The following ABHD17C variants were observed in gnomAD, a reference collection of about 807,000 sequenced individuals.
ABHD17C encodes the protein alpha/beta hydrolase domain-containing protein 17C.
ABHD17C carries 11 observed loss-of-function variants against 27.9 expected under a neutral mutation model. That is an observed-to-expected ratio of 0.39 (90% CI 0.25 to 0.65). ABHD17C has a LOEUF of 0.65. Ranked by LOEUF, ABHD17C falls within the 30% of genes least tolerant of loss-of-function variation. ABHD17C has a pLI of 0.45. For synonymous variants in ABHD17C, 233 were observed against 209.1 expected (o/e 1.11, Z -0.98); for missense variants, 280 against 470.2 (o/e 0.60, Z 3.74).
At position 80,731,989 on chromosome 15, in the gene ABHD17C, C is replaced by G. The variant is rs1895063369; in HGVS notation, c.591-17524C>G. Among the ~76,000 whole-genome samples the G allele has an allele frequency of 2.0e-5, 3 of 152,216 alleles. No homozygotes were observed. In the South Asian group the frequency reaches 6.2e-4, roughly 31 times the overall value. On this transcript the variant is annotated intron_variant, in intron 1 of 2. Transcript: ENST00000258884. ...ATCTCTAGAACTTCATCTTCTCAAACTGAGATTCTGCACTCATTGTATGGA... is the reference window on the plus strand; with the variant it reads ...ATCTCTAGAACTTCATCTTCTCAAAGTGAGATTCTGCACTCATTGTATGGA...
rs1555422285 is a variant in ABHD17C at position 80,713,085 on chromosome 15, CT to C, written c.590+17079del. Among the ~76,000 whole-genome samples the C allele has an allele frequency of 3.6e-3, 522 of 143,532 alleles. 1 individual carries two copies. The highest frequency in any genetic ancestry group is 3.9e-3 in the Admixed American group (56 of 14,288). 94.2% of individuals were successfully genotyped at this position (143,532 alleles called of 152,430 possible). On this transcript the variant is annotated intron_variant, in intron 1 of 2. Transcript: ENST00000258884. ...AGCCTCTTATTACTACTTTGTAAGT[CT>C]TTTTTTTTTTTTAAGGAAAAATGTA...
chr15:80,719,591 A>T (rs1894861703), intron 1 of ABHD17C, among the ~76,000 whole-genome samples: 1 of 152,290 alleles, frequency 6.6e-6, no homozygotes, highest in Non-Finnish European at 1.5e-5. Flanking sequence ...TACTATGGGG[A>T]TATGTGTTAT....
Position 80,713,900 on chromosome 15 carries a change from CCACA to C in ABHD17C, c.590+17918_590+17921del, listed in dbSNP as rs58311304. On this transcript the variant is annotated intron_variant, in intron 1 of 2. Transcript: ENST00000258884. ...GGGTCTCATTGTCTCCATATACAGA[CCACA>C]CACACACACACACACACACACACAC... Among the ~76,000 whole-genome samples the C allele has an allele frequency of 8.2e-3, 1,156 of 141,136 alleles. 24 individuals carry two copies. Among genetic ancestry groups the C allele is most frequent in the East Asian group, 0.081 (392 of 4,860 alleles). The allele number at this position is 141,136 out of a possible 152,430, so 92.6% of individuals were successfully genotyped here.
chr15:80,724,637 G>A (rs555057139), intron 1 of ABHD17C, among the ~76,000 whole-genome samples: 2 of 152,326 alleles, frequency 1.3e-5, no homozygotes, highest in South Asian at 4.1e-4. Context: ...GCCTCCTGTA[G>A]TCAGCTGCTG....
chr15:80,730,998 T>C (rs552042995), intron 1 of ABHD17C, among the ~76,000 whole-genome samples: 267 of 152,334 alleles, frequency 1.8e-3, no homozygotes, highest in African/African-American at 6.2e-3. Flanking sequence ...AATTAAAATA[T>C]AATGTTGAAG....
intron 1 of ABHD17C, among the ~76,000 whole-genome samples, chr15:80,727,426 G>A (rs1164257949): frequency 6.6e-6 from 1 of 152,198 alleles, no homozygotes; most frequent in East Asian, 1.9e-4. Context: ...GCCCTCGCTA[G>A]CCTTGCTATC....
At chr15:80,751,914 C>T (rs886707530) in intron 2 of ABHD17C, among the ~76,000 whole-genome samples, 2 of 152,112 alleles carry the variant, frequency 1.3e-5, no homozygotes, top group African/African-American at 4.8e-5. Context: ...TTAATATGTC[C>T]GTTGTTGCCA....
Position 80,725,005 on chromosome 15 carries a change from A to G in ABHD17C, c.591-24508A>G, listed in dbSNP as rs1420021351. 3.9e-5 allele frequency among the ~76,000 whole-genome samples: 6 copies of G among 152,310 alleles called. No homozygotes were observed. The East Asian group carries it at 1.2e-3, about 29-fold the overall frequency. Reference sequence around the variant, plus strand: ...TCTTCATTATATAACCACTGTTGTTATGTTTTTATACCCTAGTGTCTTACA... The same window carrying G: ...TCTTCATTATATAACCACTGTTGTTGTGTTTTTATACCCTAGTGTCTTACA... On this transcript the variant is annotated intron_variant, in intron 1 of 2. Coordinates refer to ENST00000258884, the MANE Select transcript of ABHD17C (RefSeq NM_021214.2).
At chr15:80,728,236 G>A (rs1314795302) in intron 1 of ABHD17C, among the ~76,000 whole-genome samples, 1 of 152,210 alleles carries the variant, frequency 6.6e-6, no homozygotes, top group African/African-American at 2.4e-5. Flanking sequence ...AGCACCTGCT[G>A]TTAAGGAGAG....
chr15:80,738,291 G>A (rs916880649), intron 1 of ABHD17C, among the ~76,000 whole-genome samples: 2 of 152,184 alleles, frequency 1.3e-5, no homozygotes, highest in East Asian at 3.8e-4. Context: ...CTGATACACA[G>A]AAACCAACAG....
chr15:80,735,929 G>A (rs150347203), intron 1 of ABHD17C, among the ~76,000 whole-genome samples: 15 of 152,190 alleles, frequency 9.9e-5, no homozygotes, highest in African/African-American at 3.4e-4. Context: ...TTACTTGAAG[G>A]GACTGAGCCT....
chr15:80,730,065 C>T (rs182821329), intron 1 of ABHD17C, among the ~76,000 whole-genome samples: 19 of 152,054 alleles, frequency 1.2e-4, no homozygotes, highest in Admixed American at 3.9e-4. Flanking sequence ...GCTGAGATCG[C>T]GCCACTGCCC....
chr15:80,716,253 A>T (rs1326227773), intron 1 of ABHD17C, among the ~76,000 whole-genome samples: 1 of 152,128 alleles, frequency 6.6e-6, no homozygotes, highest in African/African-American at 2.4e-5. Context: ...GGGAGAAAGG[A>T]TGTTGATTAT....
chr15:80,696,323 G>T (rs150311364), intron 1 of ABHD17C, among the ~76,000 whole-genome samples: 3 of 152,344 alleles, frequency 2.0e-5, no homozygotes, highest in African/African-American at 7.2e-5. Context: ...TCCGGTCACC[G>T]CGAGTGGCAG....
chr15:80,711,734 G>C (rs150537127), intron 1 of ABHD17C, among the ~76,000 whole-genome samples: 21 of 152,278 alleles, frequency 1.4e-4, no homozygotes, highest in African/African-American at 4.8e-4. Context: ...GTTTCTTGGG[G>C]ACTTTTGCAG....
At chr15:80,750,010 A>G (rs753149514) in intron 2 of ABHD17C, among the ~76,000 whole-genome samples, 13 of 152,364 alleles carry the variant, frequency 8.5e-5, no homozygotes, top group South Asian at 6.2e-4. Context: ...CTTACAGTTC[A>G]GCACTCGCTC....
At chr15:80,711,448 C>T (rs1288274902) in intron 1 of ABHD17C, among the ~76,000 whole-genome samples, 1 of 152,206 alleles carries the variant, frequency 6.6e-6, no homozygotes, top group East Asian at 1.9e-4. Context: ...CAGCCCCAGG[C>T]AGCCCGCAGG....
chr15:80,754,528 T>C lies in ABHD17C; in HGVS notation c.*158T>C. 1 of 630,306 alleles carries C rather than the reference T, an allele frequency of 1.6e-6. No individual in the cohort carries two copies. Among genetic ancestry groups the C allele is most frequent in the Non-Finnish European group, 2.7e-6 (1 of 366,730 alleles). The allele number at this position is 630,306 out of a possible 1,614,324, so 39.0% of individuals were successfully genotyped here. On this transcript the variant is annotated 3_prime_UTR_variant, in exon 3 of 3. Coordinates refer to ENST00000258884, the MANE Select transcript of ABHD17C (RefSeq NM_021214.2). ...GAGCTGATGAAATCTCAGTCTTTTG[T>C]ATCTAGAGGTGGTTCTGCTAATTCA...
intron 1 of ABHD17C, among the ~76,000 whole-genome samples, chr15:80,712,228 A>G (rs979964898): frequency 2.0e-5 from 3 of 152,240 alleles, no homozygotes; most frequent in African/African-American, 4.8e-5. Context: ...GCCCAGTACA[A>G]TAGTTCTTGT....
Sources: allele counts gnomAD v4.1 joint callset (sites outside exome capture counted in the v4.1 genomes callset), GRCh38; gene constraint gnomAD v4.1.1; transcripts MANE v1.5; gene names NCBI Gene and HGNC (gene_info 2026-07-23, HGNC 2026-07-21).